The following CMC2 variants were observed in gnomAD, a reference collection of about 807,000 sequenced individuals.
CMC2 encodes COX assembly mitochondrial protein 2 homolog.
CMC2 carries 5 observed loss-of-function variants against 7.5 expected under a neutral mutation model. The observed-to-expected ratio is 0.66, with a 90% CI of 0.35 to 1.40. The LOEUF (loss-of-function observed/expected upper bound fraction) is 1.40, where lower values mean the gene tolerates loss of function less well. Among genes scored for constraint, CMC2 ranks in the 40% most tolerant of loss-of-function variants. The pLI, the probability that CMC2 is intolerant of heterozygous loss-of-function variation, is 0.04. For synonymous variants in CMC2, 37 were observed against 31.4 expected, an observed-to-expected ratio of 1.18 and a Z score of -0.60; for missense variants, 115 against 92.3, an observed-to-expected ratio of 1.25 and a Z score of -1.01.
At chr16:80,996,897 C>T in intron 2 of CMC2, 1 of 322,464 alleles carries the variant, frequency 3.1e-6, no homozygotes, top group Non-Finnish European at 6.2e-6. Flanking sequence ...TAGTTAATGT[C>T]TAATTATATA....
At chr16:81,001,501 C>T (rs1968863412) in intron 1 of CMC2, among the ~76,000 whole-genome samples, 1 of 152,132 alleles carries the variant, frequency 6.6e-6, no homozygotes, top group African/African-American at 2.4e-5. Flanking sequence ...TACTGTTTAA[C>T]AAGCAGTTTT....
chr16:81,004,736 C>A (rs562673829), intron 1 of CMC2, among the ~76,000 whole-genome samples: 2 of 152,182 alleles, frequency 1.3e-5, no homozygotes, highest in Non-Finnish European at 2.9e-5. Flanking sequence ...TTATAGCTTT[C>A]TTTTACTCAC....
chr16:81,000,128 C>G (rs1214756839), intron 1 of CMC2, among the ~76,000 whole-genome samples: 1 of 152,166 alleles, frequency 6.6e-6, no homozygotes, highest in Non-Finnish European at 1.5e-5. Context: ...ACAAACTATG[C>G]ATCCAACAAA....
intron 2 of CMC2, among the ~76,000 whole-genome samples, chr16:80,985,008 T>C (rs987682068): frequency 3.3e-5 from 5 of 152,116 alleles, no homozygotes; most frequent in East Asian, 1.9e-4. Flanking sequence ...GAGTAACTGA[T>C]TGAATAAGTG....
rs138358869 is a variant in CMC2 at position 80,981,373 on chromosome 16, A to T, written c.153+433T>A. On this transcript the variant is annotated intron_variant, in intron 3 of 3. Coordinates refer to ENST00000219400, the MANE Select transcript of CMC2 (RefSeq NM_020188.5). ...AATTAGATCCCTGTGGCTTACACAAACCATAACTACAAAGAAATTCAAAAT... is the reference window on the plus strand; with the variant it reads ...AATTAGATCCCTGTGGCTTACACAATCCATAACTACAAAGAAATTCAAAAT... Among the ~76,000 whole-genome samples, 4 of 152,298 alleles carry T rather than the reference A, an allele frequency of 2.6e-5. No individual in the cohort carries two copies. In the East Asian group the frequency reaches 7.7e-4, roughly 29 times the overall value.
At position 80,975,840 on chromosome 16, in the gene CMC2, G is replaced by A; in HGVS notation, c.*253C>T. 3.2e-6 allele frequency: 1 copy of A among 316,606 alleles called. No homozygotes were observed. Among genetic ancestry groups the A allele is most frequent in the Admixed American group, 4.5e-5 (1 of 22,394 alleles). The allele number at this position is 316,606 out of a possible 1,614,324, so 19.6% of individuals were successfully genotyped here. ...TTTATTGAAGGAGATAAGTTACTCA[G>A]ATATTAACTGGTTGTAGGCAAAGGG... is the stretch of plus-strand genomic sequence containing the variant. On this transcript the variant is annotated 3_prime_UTR_variant, in exon 4 of 4. Transcript: ENST00000219400.
Position 80,967,011 on chromosome 16 carries a change from T to C in CMC2, c.*9082A>G, listed in dbSNP as rs892430913. On this transcript the variant is annotated 3_prime_UTR_variant, in exon 4 of 4. Transcript: ENST00000219400. The stretch of plus-strand genomic sequence containing the variant: ...AGAAAATGTAAATTTTAAAGTCCTT[T>C]GGGCTACTTCAACACTTTATTTATT... 2.6e-5 allele frequency: 4 copies of C among 152,256 alleles called. No individual in the cohort carries two copies. The highest frequency in any genetic ancestry group is 2.0e-4 in the Admixed American group (3 of 15,282). 9.4% of individuals were successfully genotyped at this position (152,256 alleles called of 1,614,324 possible).
intron 3 of CMC2, 97 bp from the exon 4 acceptor site, chr16:80,976,276 C>T (rs1303576579): frequency 3.1e-6 from 2 of 654,116 alleles, no homozygotes; most frequent in South Asian, 2.0e-5. Context: ...ATATAAATGT[C>T]CTTTGAGGTT....
Position 80,966,893 on chromosome 16 carries a change from G to T in CMC2, c.*9200C>A, listed in dbSNP as rs1029250968. The T allele has an allele frequency of 9.2e-6, 1 of 108,604 alleles. No homozygotes were observed. 6.7% of individuals were successfully genotyped at this position (108,604 alleles called of 1,614,324 possible). A position where few individuals can be genotyped will look rare whatever the true frequency, so the allele number is the denominator to read the frequency against. Reference sequence around the variant, plus strand: ...TATACCTTTGTGTAAATGCATCATTGTTTATTTAACTACTGTCCTATTCGT... The same window carrying T: ...TATACCTTTGTGTAAATGCATCATTTTTTATTTAACTACTGTCCTATTCGT... On this transcript the variant is annotated 3_prime_UTR_variant, in exon 4 of 4. Coordinates refer to ENST00000219400, the MANE Select transcript of CMC2 (RefSeq NM_020188.5).
chr16:80,978,004 G>GGAGGTTGCAGTGAGCC (rs1228680087), intron 3 of CMC2, among the ~76,000 whole-genome samples: 2 of 151,168 alleles, frequency 1.3e-5, no homozygotes, highest in African/African-American at 4.9e-5. Flanking sequence ...TCCAGAAGGA[G>GGAGGTTGCAGTGAGCC]GAGGTTGCAG....
chr16:80,968,673 T>C lies in CMC2; in HGVS notation c.*7420A>G, dbSNP rs992864076. The C allele has an allele frequency of 8.5e-5, 13 of 152,202 alleles. No homozygotes were observed. The highest frequency in any genetic ancestry group is 3.1e-4 in the African/African-American group (13 of 41,446). 9.4% of individuals were successfully genotyped at this position (152,202 alleles called of 1,614,324 possible). A position where few individuals can be genotyped will look rare whatever the true frequency, so the allele number is the denominator to read the frequency against. ...TCATTAGGTAATCTGAAAACACTCC[T>C]GCTAAAAAGCTATCTACAAATACTA... On this transcript the variant is annotated 3_prime_UTR_variant, in exon 4 of 4. Transcript: ENST00000219400.
rs1157260987 is a variant in CMC2, at chr16:80,980,780, A to G, written c.153+1026T>C. On this transcript the variant is annotated intron_variant, in intron 3 of 3. Transcript: ENST00000219400. ...CATGGTGGTACGCACCTGTCGTCCT[A>G]GCTACTCAGGAGGCTGAGGTGGGAG... is the stretch of plus-strand genomic sequence containing the variant. 5 of 697,182 alleles carry G rather than the reference A, an allele frequency of 7.2e-6. No homozygotes were observed. In the South Asian group the frequency reaches 7.4e-5, roughly 10 times the overall value. 43.2% of individuals were successfully genotyped at this position (697,182 alleles called of 1,614,324 possible). A position where few individuals can be genotyped will look rare whatever the true frequency, so the allele number is the denominator to read the frequency against.
intron 1 of CMC2, among the ~76,000 whole-genome samples, chr16:81,002,406 C>T (rs1968933751): frequency 6.6e-6 from 1 of 152,296 alleles, no homozygotes; most frequent in African/African-American, 2.4e-5. Flanking sequence ...GCTTGGGTAA[C>T]AGCGCAAGTC....
At position 80,966,520 on chromosome 16, in the gene CMC2, T is replaced by C. The variant is rs148033044; in HGVS notation, c.*9573A>G. On this transcript the variant is annotated 3_prime_UTR_variant, in exon 4 of 4. Coordinates refer to ENST00000219400, the MANE Select transcript of CMC2 (RefSeq NM_020188.5). ...ACTTGTATCTTGTTTTGGTCTTAGG[T>C]TGAAAATCTTGGTTTCTACTGACAC... 1.8e-3 allele frequency: 271 copies of C among 152,322 alleles called. 1 individual carries two copies. The highest frequency in any genetic ancestry group is 6.8e-3 in the Middle Eastern group (2 of 292). The allele number at this position is 152,322 out of a possible 1,614,324, so 9.4% of individuals were successfully genotyped here.
chr16:80,983,005 C>T lies in CMC2; in HGVS notation c.82-1128G>A, dbSNP rs149010237. 1,088 of 188,710 alleles carry T rather than the reference C, an allele frequency of 5.8e-3. 16 individuals carry two copies. The highest frequency in any genetic ancestry group is 0.024 in the African/African-American group (1,010 of 42,160). The allele number at this position is 188,710 out of a possible 1,614,324, so 11.7% of individuals were successfully genotyped here. A position where few individuals can be genotyped will look rare whatever the true frequency, so the allele number is the denominator to read the frequency against. The stretch of plus-strand genomic sequence containing the variant: ...AGATTGAGGTCTGCAGCTGTGGTTA[C>T]CTACCATTTCGGACTGACATACATC... On this transcript the variant is annotated intron_variant, in intron 2 of 3. Transcript: ENST00000219400.
In CMC2 at chr16:80,973,538, C is replaced by T. The variant is rs1419970782; in HGVS notation, c.*2555G>A. The T allele has an allele frequency of 6.6e-6, 1 of 152,176 alleles. No homozygotes were observed. Among genetic ancestry groups the T allele is most frequent in the African/African-American group, 2.4e-5 (1 of 41,438 alleles). 9.4% of individuals were successfully genotyped at this position (152,176 alleles called of 1,614,324 possible). ...CTATTCACCGAATAACCAGAAAGAT[C>T]TTTATAAAATATAAATAAATGAAAT... On this transcript the variant is annotated 3_prime_UTR_variant, in exon 4 of 4. Transcript: ENST00000219400.
chr16:80,984,567 G>A (rs908598259), intron 2 of CMC2, among the ~76,000 whole-genome samples: 6 of 151,970 alleles, frequency 3.9e-5, no homozygotes, highest in Non-Finnish European at 5.9e-5. Context: ...AAAACTTTTT[G>A]TACTTAATTT....
At chr16:80,994,510 C>T (rs189209136) in intron 2 of CMC2, among the ~76,000 whole-genome samples, 2 of 151,180 alleles carry the variant, frequency 1.3e-5, no homozygotes, top group Non-Finnish European at 1.5e-5. Flanking sequence ...AAAAAGAATG[C>T]TTATAACTCA....
intron 1 of CMC2, among the ~76,000 whole-genome samples, chr16:81,002,441 G>A (rs192697706): frequency 6.6e-6 from 1 of 152,188 alleles, no homozygotes; most frequent in East Asian, 1.9e-4. Context: ...AACAATAACA[G>A]AAAACAGACA....
Sources: gnomAD v4.1 joint callset for allele counts (sites outside exome capture counted in the v4.1 genomes callset) on GRCh38, gnomAD v4.1.1 for gene constraint, MANE v1.5 for transcripts, NCBI Gene and HGNC (gene_info 2026-07-23, HGNC 2026-07-21) for gene names.